Variants in RBFOX1 observed in about 807,000 individuals in gnomAD.
The protein encoded by RBFOX1 is RNA binding fox-1 homolog 1.
Under a neutral mutation model 57.7 loss-of-function variants are expected in RBFOX1, and 8 were observed. That is an observed-to-expected ratio of 0.14 (90% CI 0.08 to 0.25). RBFOX1 has a LOEUF of 0.25. Ranked by LOEUF, RBFOX1 falls within the 10% of genes least tolerant of loss-of-function variation. The pLI, the probability that RBFOX1 is intolerant of heterozygous loss-of-function variation, is 1.00. For synonymous variants in RBFOX1, 326 were observed against 222.4 expected, an observed-to-expected ratio of 1.47 and a Z score of -4.15; for missense variants, 611 against 548.5, an observed-to-expected ratio of 1.11 and a Z score of -1.14.
At chr16:7,309,551 C>T (rs943700214) in intron 4 of RBFOX1, among the ~76,000 whole-genome samples, 1 of 152,214 alleles carries the variant, frequency 6.6e-6, no homozygotes, top group Non-Finnish European at 1.5e-5. Flanking sequence ...TTAGTGCTCA[C>T]CCGCCATCTG....
intron 3 of RBFOX1, among the ~76,000 whole-genome samples, chr16:7,049,882 T>C (rs1275869696): frequency 6.6e-6 from 1 of 152,188 alleles, no homozygotes; most frequent in Non-Finnish European, 1.5e-5. Context: ...AATTTACCTT[T>C]TTTATCATTT....
At chr16:7,334,141 C>A (rs552811671) in intron 4 of RBFOX1, among the ~76,000 whole-genome samples, 7 of 152,114 alleles carry the variant, frequency 4.6e-5, no homozygotes, top group Non-Finnish European at 1.0e-4. Context: ...CTGAACTTTG[C>A]TGTTACCTTT....
intron 1 of RBFOX1, among the ~76,000 whole-genome samples, chr16:5,370,906 A>C (rs1440340192): frequency 6.6e-6 from 1 of 152,200 alleles, no homozygotes; most frequent in Non-Finnish European, 1.5e-5. Context: ...TGAACTGAGC[A>C]GTGTCCATTT....
chr16:7,064,626 G>A (rs377221255), intron 4 of RBFOX1, among the ~76,000 whole-genome samples: 2 of 152,168 alleles, frequency 1.3e-5, no homozygotes, highest in East Asian at 3.9e-4. Context: ...CTGGCCTCCA[G>A]CACTGTGGGG....
intron 4 of RBFOX1, among the ~76,000 whole-genome samples, chr16:5,910,504 C>G (rs78811628): frequency 0.012 from 1,764 of 152,268 alleles, 36 homozygotes; most frequent in African/African-American, 0.04. Flanking sequence ...ATAAGAATCT[C>G]TTCTTGTGTA....
chr16:6,190,445 C>T (rs2097134408), intron 1 of RBFOX1, among the ~76,000 whole-genome samples: 1 of 152,146 alleles, frequency 6.6e-6, no homozygotes. Flanking sequence ...ACTAGGCAAC[C>T]TGGAATGGAA....
intron 1 of RBFOX1, among the ~76,000 whole-genome samples, chr16:6,309,607 T>C (rs750759582): frequency 2.1e-4 from 32 of 151,890 alleles, no homozygotes; most frequent in Non-Finnish European, 4.4e-5. Context: ...AGAAATCTCC[T>C]GTAAGGCCAA....
intron 11 of RBFOX1, 63 bp downstream of exon 11, chr16:7,630,746 T>G: frequency 1.2e-6 from 2 of 1,602,370 alleles, no homozygotes; most frequent in Non-Finnish European, 1.7e-6. Flanking sequence ...TCACCTTCCC[T>G]GCCATGTAAG....
chr16:6,615,876 G>C (rs1205013741), intron 2 of RBFOX1, among the ~76,000 whole-genome samples: 1 of 152,100 alleles, frequency 6.6e-6, no homozygotes, highest in Non-Finnish European at 1.5e-5. Flanking sequence ...TTCCTTGCTC[G>C]CGAATCCTCA....
chr16:5,354,829 GCAGCA>G (rs2065347267), intron 1 of RBFOX1, among the ~76,000 whole-genome samples: 1 of 152,242 alleles, frequency 6.6e-6, no homozygotes, highest in South Asian at 2.1e-4. Flanking sequence ...ACTCCTGATG[GCAGCA>G]GCCACTTGTC....
At chr16:6,994,945 T>TTGTG (rs145095044) in intron 3 of RBFOX1, among the ~76,000 whole-genome samples, 2,133 of 148,094 alleles carry the variant, frequency 0.014, 48 homozygotes, top group African/African-American at 0.04. Flanking sequence ...TTGCATTATT[T>TTGTG]TGTGTGTGTG....
chr16:6,459,442 C>T (rs1015104854), intron 2 of RBFOX1, among the ~76,000 whole-genome samples: 1 of 152,008 alleles, frequency 6.6e-6, no homozygotes, highest in Non-Finnish European at 1.5e-5. Context: ...TTAGGTACAC[C>T]AAGAATTTAT....
intron 4 of RBFOX1, among the ~76,000 whole-genome samples, chr16:7,307,683 C>G (rs1468581621): frequency 6.6e-6 from 1 of 152,144 alleles, no homozygotes; most frequent in Non-Finnish European, 1.5e-5. Context: ...TTTTTGGCGT[C>G]TAGATATCAG....
intron 3 of RBFOX1, among the ~76,000 whole-genome samples, chr16:6,959,419 C>G (rs577353253): frequency 4.6e-5 from 7 of 152,300 alleles, no homozygotes; most frequent in African/African-American, 1.7e-4. Context: ...GTACTTCACG[C>G]TTATCACAGC....
chr16:6,292,810 T>C (rs2077609090), intron 1 of RBFOX1, among the ~76,000 whole-genome samples: 1 of 152,232 alleles, frequency 6.6e-6, no homozygotes. Flanking sequence ...AATAGTTAAC[T>C]GAAACTCAGC....
At chr16:6,461,691 GAAGAT>G (rs1276858480) in intron 2 of RBFOX1, among the ~76,000 whole-genome samples, 3 of 152,116 alleles carry the variant, frequency 2.0e-5, no homozygotes, top group African/African-American at 7.2e-5. Flanking sequence ...ATCTTTAATG[GAAGAT>G]TATTTTTTTT....
intron 1 of RBFOX1, among the ~76,000 whole-genome samples, chr16:6,149,392 C>T (rs576541472): frequency 1.3e-5 from 2 of 152,332 alleles, no homozygotes; most frequent in East Asian, 3.9e-4. Context: ...TAGGAGGATT[C>T]ATTGCAGACG....
At chr16:5,669,818 A>G (rs1284453133) in intron 3 of RBFOX1, among the ~76,000 whole-genome samples, 1 of 152,232 alleles carries the variant, frequency 6.6e-6, no homozygotes, top group Non-Finnish European at 1.5e-5. Flanking sequence ...AATTTAAACA[A>G]TTGCCATAGG....
At chr16:7,282,516 C>A (rs886641008) in intron 4 of RBFOX1, among the ~76,000 whole-genome samples, 3 of 151,920 alleles carry the variant, frequency 2.0e-5, no homozygotes, top group Non-Finnish European at 2.9e-5. Context: ...CTCTTGCACC[C>A]TCTCCCTGGA....
Sources: gnomAD v4.1 joint callset for allele counts (sites outside exome capture counted in the v4.1 genomes callset) on GRCh38, gnomAD v4.1.1 for gene constraint, MANE v1.5 for transcripts, NCBI Gene and HGNC (gene_info 2026-07-23, HGNC 2026-07-21) for gene names.